The following MYO10 variants were observed in gnomAD, a reference collection of about 807,000 sequenced individuals.
MYO10 encodes the protein unconventional myosin-X.
A neutral mutation model predicts 257.3 loss-of-function variants in MYO10; 133 were observed. The ratio of observed to expected loss-of-function variants is 0.52; its 90% confidence interval spans 0.45 to 0.60. MYO10 has a LOEUF of 0.60. Ranked by LOEUF, MYO10 falls within the 20% of genes least tolerant of loss-of-function variation. The pLI, the probability that MYO10 is intolerant of heterozygous loss-of-function variation, is 0.00. For missense variants in MYO10, 2,399 were observed against 2,635.7 expected, an observed-to-expected ratio of 0.91 and a Z score of 1.97; for synonymous variants, 1,104 against 1,028.6, an observed-to-expected ratio of 1.07 and a Z score of -1.40.
At chr5:16,757,670 C>CT (rs1017375067) in intron 18 of MYO10, among the ~76,000 whole-genome samples, 5 of 149,684 alleles carry the variant, frequency 3.3e-5, no homozygotes, top group Non-Finnish European at 5.9e-5. Context: ...TCTTTTCTCT[C>CT]TTTTTTTAGA....
At chr5:16,712,654 T>C (rs1453424474) in intron 19 of MYO10, among the ~76,000 whole-genome samples, 3 of 152,064 alleles carry the variant, frequency 2.0e-5, no homozygotes, top group Non-Finnish European at 2.9e-5. Flanking sequence ...AAAAAATAAA[T>C]TTAAAGAATG....
intron 36 of MYO10, 52 bp downstream of exon 36, chr5:16,673,629 TG>T: frequency 1.9e-6 from 3 of 1,553,890 alleles, no homozygotes; most frequent in East Asian, 2.3e-5. Flanking sequence ...CTGACGCAGG[TG>T]TATCTGCAGC....
chr5:16,718,472 C>T (rs537399087), intron 19 of MYO10, among the ~76,000 whole-genome samples: 1 of 152,370 alleles, frequency 6.6e-6, no homozygotes, highest in South Asian at 2.1e-4. Context: ...TGTAAATACA[C>T]CAATCAGCAC....
At position 16,701,690 on chromosome 5, in the gene MYO10, C is replaced by T. The variant is rs770759156; in HGVS notation, c.2705G>A (p.Arg902His). 12 of 1,613,966 alleles carry T rather than the reference C, an allele frequency of 7.4e-6. No homozygotes were observed. The highest frequency in any genetic ancestry group is 8.5e-6 in the Non-Finnish European group (10 of 1,179,868). Residue 902 changes from arginine to histidine, a missense_variant, in exon 25 of 41, where the codon CGC (arginine) becomes CAC (histidine). Transcript: ENST00000513610. This position sits in a 1 kb window ranked among gnomAD's most constrained non-coding sequence, Gnocchi z 8.1. The part of the protein sequence containing the change: ...RLEKEIEDLQ[R>H]MKEQQELSLT... The stretch of plus-strand genomic sequence containing the variant: ...CGACAGCTCCTGCTGCTCCTTCATG[C>T]GCTGCAGGTCCTCGATTTCTTTCTC...
chr5:16,829,641 G>A (rs1743106564), intron 2 of MYO10, among the ~76,000 whole-genome samples: 1 of 152,148 alleles, frequency 6.6e-6, no homozygotes, highest in Non-Finnish European at 1.5e-5. Context: ...GCGCCGCAGG[G>A]CTGCAGGCAG....
intron 19 of MYO10, among the ~76,000 whole-genome samples, chr5:16,718,153 T>C (rs566156424): frequency 4.6e-5 from 7 of 152,350 alleles, no homozygotes; most frequent in African/African-American, 9.6e-5. Context: ...ACCGGCGCTG[T>C]GCTCTGTTTC....
intron 2 of MYO10, among the ~76,000 whole-genome samples, chr5:16,825,412 G>A (rs1468181499): frequency 2.6e-5 from 4 of 152,148 alleles, no homozygotes; most frequent in Non-Finnish European, 2.9e-5. Flanking sequence ...TTCTGACCAC[G>A]ACCCACAGTG....
At chr5:16,727,796 G>A (rs1324431894) in intron 19 of MYO10, among the ~76,000 whole-genome samples, 2 of 150,820 alleles carry the variant, frequency 1.3e-5, no homozygotes, top group African/African-American at 4.9e-5. Context: ...CAGAGCCAGC[G>A]CTGAGGACAG....
chr5:16,673,770 A>G lies in MYO10; in HGVS notation c.5084T>C (p.Ile1695Thr), dbSNP rs370804744. ...CGTGGATGTCATTTCCTGCCTGTGGATCAGAGCTTCTATTTCATCTCGGGA... is the reference window on the plus strand; with the variant it reads ...CGTGGATGTCATTTCCTGCCTGTGGGTCAGAGCTTCTATTTCATCTCGGGA... Reference protein sequence around the residue: ...VPSRDEIEALIHRQEMTSTVY... With the variant: ...VPSRDEIEALTHRQEMTSTVY... Residue 1695 changes from isoleucine (I) to threonine (T), a missense_variant, in exon 36 of 41, where the codon ATC becomes ACC. By Grantham distance (89) the Ile-to-Thr change is moderately conservative. Transcript: ENST00000513610. The G allele has an allele frequency of 4.3e-6, 7 of 1,613,826 alleles. No individual in the cohort carries two copies. In the African/African-American group the frequency reaches 8.0e-5, roughly 18 times the overall value.
chr5:16,857,346 C>T (rs1743988913), intron 2 of MYO10, among the ~76,000 whole-genome samples: 2 of 152,184 alleles, frequency 1.3e-5, no homozygotes, highest in African/African-American at 4.8e-5. Context: ...GAAAAAGGTA[C>T]TCAGGCTGTG....
chr5:16,835,499 T>TTTG (rs1292912915), intron 2 of MYO10, among the ~76,000 whole-genome samples: 4 of 145,334 alleles, frequency 2.8e-5, no homozygotes, highest in South Asian at 2.3e-4. Flanking sequence ...GCTGTTTTTT[T>TTTG]TTTTTTTTTT....
intron 21 of MYO10, among the ~76,000 whole-genome samples, chr5:16,705,899 T>G (rs1304120681): frequency 6.6e-6 from 1 of 152,190 alleles, no homozygotes; most frequent in East Asian, 1.9e-4. Flanking sequence ...TATATTCTGT[T>G]GGCCGGGCGC....
In MYO10 at chr5:16,694,562, G is replaced by A. The variant is rs773850997; in HGVS notation, c.3609C>T (p.Thr1203=). ...CCTGCTTGGAGCGGAACCACAAGAA[G>A]GTTTCATCCTTGAGGACGCACCAGC... ...KRRWCVLKDE[T]FLWFRSKQEA... Residue 1203 remains threonine, a synonymous_variant, in exon 27 of 41, where the codon ACC becomes ACT. Transcript: ENST00000513610. The A allele has an allele frequency of 1.9e-6, 3 of 1,613,996 alleles. No individual in the cohort carries two copies. The highest frequency in any genetic ancestry group is 1.7e-6 in the Non-Finnish European group (2 of 1,179,884).
intron 2 of MYO10, among the ~76,000 whole-genome samples, chr5:16,820,255 A>G (rs1021230316): frequency 6.6e-6 from 1 of 152,236 alleles, no homozygotes; most frequent in Non-Finnish European, 1.5e-5. Context: ...AATTCCCAGA[A>G]GTTAAATAGC....
chr5:16,704,759 T>C, intron 21 of MYO10, 74 bp from the exon 22 acceptor site: 2 of 1,180,032 alleles, frequency 1.7e-6, no homozygotes, highest in South Asian at 1.3e-5. Context: ...GAGTCAAAGA[T>C]ATCTTCTGGA....
At chr5:16,812,080 A>G (rs922438138) in intron 3 of MYO10, among the ~76,000 whole-genome samples, 7 of 152,112 alleles carry the variant, frequency 4.6e-5, no homozygotes, top group African/African-American at 1.7e-4. Context: ...CAATCAGGAG[A>G]GAGCCAACCC....
intron 32 of MYO10, among the ~76,000 whole-genome samples, chr5:16,681,007 T>C (rs1387649342): frequency 2.0e-5 from 3 of 152,020 alleles, no homozygotes; most frequent in Non-Finnish European, 4.4e-5. Flanking sequence ...ATGAGAAGAA[T>C]GAAAATTAAA....
In MYO10 at chr5:16,661,921, A is replaced by C. The variant is rs1303712526; in HGVS notation, c.*4771T>G. ...ATACACAGAGATCTGTTTCAATAAA[A>C]CTTTATTCACAAAAACAGGTGGCAG... On this transcript the variant is annotated 3_prime_UTR_variant, in exon 41 of 41. Coordinates refer to ENST00000513610, the MANE Select transcript of MYO10 (RefSeq NM_012334.3). The C allele has an allele frequency of 3.3e-5, 5 of 152,106 alleles. No homozygotes were observed. Among genetic ancestry groups the C allele is most frequent in the Admixed American group, 6.6e-5 (1 of 15,262 alleles). 9.4% of individuals were successfully genotyped at this position (152,106 alleles called of 1,614,324 possible). A position where few individuals can be genotyped will look rare whatever the true frequency, so the allele number is the denominator to read the frequency against.
chr5:16,903,336 C>A (rs1399944359), intron 1 of MYO10, among the ~76,000 whole-genome samples: 1 of 152,136 alleles, frequency 6.6e-6, no homozygotes, highest in African/African-American at 2.4e-5. Context: ...ACCTGGGAGG[C>A]GGAGGTTGCA....
Sources: allele counts gnomAD v4.1 joint callset (sites outside exome capture counted in the v4.1 genomes callset), GRCh38; gene constraint gnomAD v4.1.1; non-coding constraint Gnocchi (gnomAD v3.1); transcripts MANE v1.5; gene names NCBI Gene and HGNC (gene_info 2026-07-23, HGNC 2026-07-21).